Variants in IQCM observed in about 807,000 individuals in gnomAD.
The protein encoded by IQCM is IQ motif containing M.
In IQCM, 45 loss-of-function variants were observed where a neutral mutation model predicts 57.6. The ratio of observed to expected loss-of-function variants is 0.78; its 90% CI spans 0.62 to 1.00. IQCM has a LOEUF of 1.00. IQCM is among the 50% of genes least tolerant of loss of function. The probability of loss-of-function intolerance (pLI) is 0.00; values close to 1 mark genes in which losing one functional copy is unlikely to be tolerated. For missense variants in IQCM, 468 were observed against 511.6 expected (o/e 0.91, Z 0.82); for synonymous variants, 148 against 158.9 (o/e 0.93, Z 0.51).
intron 13 of IQCM, among the ~76,000 whole-genome samples, chr4:149,405,847 A>T (rs1732937370): frequency 6.8e-6 from 1 of 146,294 alleles, no homozygotes; most frequent in Non-Finnish European, 1.5e-5. Context: ...ATATATATAT[A>T]TATGCTCCAG....
At chr4:149,605,837 T>A (rs1371094568) in intron 8 of IQCM, among the ~76,000 whole-genome samples, 4 of 151,850 alleles carry the variant, frequency 2.6e-5, no homozygotes, top group Non-Finnish European at 5.9e-5. Flanking sequence ...GAGAGAGATT[T>A]CTGCTTGGGG....
At chr4:149,559,515 C>T (rs1477260871) in intron 10 of IQCM, among the ~76,000 whole-genome samples, 5 of 152,128 alleles carry the variant, frequency 3.3e-5, no homozygotes, top group African/African-American at 9.7e-5. Flanking sequence ...TCTCAGTTTA[C>T]TGGTCTTATC....
chr4:149,353,319 T>C (rs909469435), intron 13 of IQCM, among the ~76,000 whole-genome samples: 15 of 152,244 alleles, frequency 9.9e-5, no homozygotes, highest in Admixed American at 9.8e-4. Flanking sequence ...AGGAAACACT[T>C]ATACACTATT....
At chr4:149,598,786 G>T (rs943854572) in intron 8 of IQCM, among the ~76,000 whole-genome samples, 1 of 152,174 alleles carries the variant, frequency 6.6e-6, no homozygotes, top group Non-Finnish European at 1.5e-5. Context: ...CTCATAAACT[G>T]CTTCTGGAAG....
intron 12 of IQCM, among the ~76,000 whole-genome samples, chr4:149,541,807 G>T (rs1747876143): frequency 6.6e-6 from 1 of 152,008 alleles, no homozygotes; most frequent in Admixed American, 6.6e-5. Context: ...GACAGTTTTA[G>T]AACTGTGACC....
intron 2 of IQCM, among the ~76,000 whole-genome samples, chr4:149,772,581 A>G (rs1042653264): frequency 6.6e-6 from 1 of 152,226 alleles, no homozygotes; most frequent in Non-Finnish European, 1.5e-5. Context: ...AAAGAGAATC[A>G]AGATGACTAA....
intron 12 of IQCM, among the ~76,000 whole-genome samples, chr4:149,534,582 G>C (rs1247253622): frequency 6.6e-6 from 1 of 151,992 alleles, no homozygotes; most frequent in Non-Finnish European, 1.5e-5. Context: ...TGGTATATAA[G>C]GAATCATTGA....
intron 9 of IQCM, among the ~76,000 whole-genome samples, chr4:149,579,271 C>A (rs1751943662): frequency 6.6e-6 from 1 of 151,748 alleles, no homozygotes; most frequent in South Asian, 2.1e-4. Flanking sequence ...TTATGTGTAT[C>A]CCATGCTTAT....
intron 12 of IQCM, among the ~76,000 whole-genome samples, chr4:149,446,418 A>C (rs1292839846): frequency 6.6e-6 from 1 of 151,772 alleles, no homozygotes; most frequent in Non-Finnish European, 1.5e-5. Flanking sequence ...ATAATACTTA[A>C]ATTTTTGAAC....
intron 12 of IQCM, among the ~76,000 whole-genome samples, chr4:149,501,055 G>C (rs559096337): frequency 6.6e-6 from 1 of 152,264 alleles, no homozygotes. Context: ...TATTTGGCAT[G>C]AAATACTTAA....
At chr4:149,435,117 G>A (rs949956171) in intron 12 of IQCM, among the ~76,000 whole-genome samples, 2 of 152,068 alleles carry the variant, frequency 1.3e-5, no homozygotes, top group African/African-American at 2.4e-5. Context: ...AATTATTAGA[G>A]TTATTTTACC....
intron 12 of IQCM, among the ~76,000 whole-genome samples, chr4:149,531,856 C>T (rs1746781267): frequency 6.6e-6 from 1 of 151,616 alleles, no homozygotes; most frequent in South Asian, 2.1e-4. Context: ...TTAAACTGTC[C>T]ATTTCTCCTG....
intron 12 of IQCM, among the ~76,000 whole-genome samples, chr4:149,498,211 T>C (rs544637610): frequency 2.0e-5 from 3 of 152,200 alleles, no homozygotes; most frequent in African/African-American, 7.2e-5. Flanking sequence ...GGGAGAAGTA[T>C]GCTCCTCCCA....
At chr4:149,777,255 C>T (rs1771175763) in intron 2 of IQCM, among the ~76,000 whole-genome samples, 1 of 152,212 alleles carries the variant, frequency 6.6e-6, no homozygotes, top group Non-Finnish European at 1.5e-5. Context: ...GCCAATTTGT[C>T]TCTGCTTCTA....
chr4:149,456,911 A>G (rs549607730), intron 12 of IQCM, among the ~76,000 whole-genome samples: 40 of 152,184 alleles, frequency 2.6e-4, no homozygotes, highest in African/African-American at 8.7e-4. Flanking sequence ...AAAACTTTCT[A>G]TGTAGCCCAG....
chr4:149,750,188 C>T (rs1417523884), intron 2 of IQCM, among the ~76,000 whole-genome samples: 6 of 152,084 alleles, frequency 3.9e-5, no homozygotes, highest in South Asian at 2.1e-4. Flanking sequence ...CCATAATTAT[C>T]CAATGAGGAG....
chr4:149,463,769 T>C (rs900634023), intron 12 of IQCM, among the ~76,000 whole-genome samples: 6 of 152,168 alleles, frequency 3.9e-5, no homozygotes, highest in African/African-American at 1.2e-4. Flanking sequence ...AAAGCAAATA[T>C]GGTATTTCAA....
At chr4:149,568,323 C>T (rs1750827109) in intron 9 of IQCM, among the ~76,000 whole-genome samples, 1 of 152,132 alleles carries the variant, frequency 6.6e-6, no homozygotes, top group Non-Finnish European at 1.5e-5. Context: ...ACCTCAGGGT[C>T]ATGTCTTTTC....
At chr4:149,744,624 A>C (rs145373465) in intron 2 of IQCM, among the ~76,000 whole-genome samples, 1 of 152,228 alleles carries the variant, frequency 6.6e-6, no homozygotes, top group Admixed American at 6.5e-5. Context: ...ACTCTGAGAC[A>C]GGAGCTGGGG....
Sources: gnomAD v4.1 joint callset for allele counts (sites outside exome capture counted in the v4.1 genomes callset) on GRCh38, gnomAD v4.1.1 for gene constraint, MANE v1.5 for transcripts, NCBI Gene and HGNC (gene_info 2026-07-23, HGNC 2026-07-21) for gene names.